The following DIAPH3 variants were observed in gnomAD, a reference collection of about 807,000 sequenced individuals.
DIAPH3 encodes protein diaphanous homolog 3.
DIAPH3 carries 117 observed loss-of-function variants against 144.3 expected under a neutral mutation model. That is an observed-to-expected ratio of 0.81 (90% CI 0.70 to 0.95). The LOEUF (loss-of-function observed/expected upper bound fraction) is 0.95, where lower values mean the gene tolerates loss of function less well. Ranked by LOEUF, DIAPH3 falls within the 40% of genes least tolerant of loss-of-function variation. DIAPH3 has a pLI of 0.00. For synonymous variants in DIAPH3, 519 were observed against 488.9 expected (o/e 1.06, Z -0.81); for missense variants, 1,421 against 1,412.7 (o/e 1.01, Z -0.09).
intron 17 of DIAPH3, among the ~76,000 whole-genome samples, chr13:59,965,881 AAATAGT>A (rs1310019641): frequency 6.6e-6 from 1 of 152,146 alleles, no homozygotes; most frequent in Admixed American, 6.5e-5. Context: ...TGCACCCAAT[AAATAGT>A]TATTGAGTGG....
intron 5 of DIAPH3, among the ~76,000 whole-genome samples, chr13:60,027,196 C>A (rs562147582): frequency 1.4e-4 from 22 of 152,304 alleles, no homozygotes; most frequent in African/African-American, 5.1e-4. Context: ...ACTTAGCATG[C>A]CCTGTGGGGC....
chr13:59,982,106 A>G (rs2051054179), intron 13 of DIAPH3, among the ~76,000 whole-genome samples: 1 of 151,450 alleles, frequency 6.6e-6, no homozygotes, highest in Admixed American at 6.6e-5. Flanking sequence ...TCACCTATTC[A>G]TAGAAATACA....
intron 1 of DIAPH3, among the ~76,000 whole-genome samples, chr13:60,144,462 C>T (rs1951413924): frequency 6.6e-6 from 1 of 152,226 alleles, no homozygotes; most frequent in Non-Finnish European, 1.5e-5. Flanking sequence ...ACTGTCTCTT[C>T]TCTGAGAATG....
chr13:60,014,012 A>G (rs1258893010), intron 7 of DIAPH3, among the ~76,000 whole-genome samples: 1 of 152,216 alleles, frequency 6.6e-6, no homozygotes, highest in African/African-American at 2.4e-5. Flanking sequence ...AAATCTCTTA[A>G]GAGAAAAATA....
intron 1 of DIAPH3, among the ~76,000 whole-genome samples, chr13:60,148,561 C>G (rs551089728): frequency 6.6e-6 from 1 of 151,770 alleles, no homozygotes; most frequent in East Asian, 1.9e-4. Context: ...ACTAGAAGCA[C>G]GTATAAAGTA....
intron 27 of DIAPH3, among the ~76,000 whole-genome samples, chr13:59,711,898 G>A (rs2034767108): frequency 6.6e-6 from 1 of 152,170 alleles, no homozygotes; most frequent in Non-Finnish European, 1.5e-5. Flanking sequence ...ACAAAGGATG[G>A]TATCTGATCC....
At chr13:59,838,484 A>G (rs759960070) in intron 23 of DIAPH3, 2 of 152,094 alleles carry the variant, frequency 1.3e-5, no homozygotes, top group Non-Finnish European at 2.9e-5. Flanking sequence ...TAGTGACTAT[A>G]ATAAACTCCA....
At chr13:59,793,282 T>G (rs1426064391) in intron 25 of DIAPH3, among the ~76,000 whole-genome samples, 1 of 152,062 alleles carries the variant, frequency 6.6e-6, no homozygotes, top group Non-Finnish European at 1.5e-5. Context: ...ACTCCATTGA[T>G]TGTCATTCTC....
At chr13:60,111,886 A>G (rs976626606) in intron 3 of DIAPH3, 124 bp downstream of exon 3, 1 of 917,448 alleles carries the variant, frequency 1.1e-6, no homozygotes, top group African/African-American at 1.7e-5. Context: ...CTGAAGTGCT[A>G]TCTTAAGTGA....
intron 21 of DIAPH3, 77 bp downstream of exon 21, chr13:59,879,152 T>A (rs562749982): frequency 1.4e-5 from 22 of 1,586,678 alleles, no homozygotes; most frequent in Admixed American, 8.6e-5. Context: ...TAAAAAAATA[T>A]TTAAATAATG....
intron 22 of DIAPH3, among the ~76,000 whole-genome samples, chr13:59,846,296 A>G (rs1337227104): frequency 6.6e-6 from 1 of 152,124 alleles, no homozygotes; most frequent in African/African-American, 2.4e-5. Flanking sequence ...TTTCATAATA[A>G]GCTTACTAAA....
intron 19 of DIAPH3, among the ~76,000 whole-genome samples, chr13:59,913,519 C>A (rs1447220905): frequency 6.6e-6 from 1 of 152,158 alleles, no homozygotes; most frequent in African/African-American, 2.4e-5. Flanking sequence ...TCCACACATA[C>A]ACTCACAAAG....
intron 18 of DIAPH3, among the ~76,000 whole-genome samples, chr13:59,922,899 A>T (rs2047583842): frequency 6.6e-6 from 1 of 152,150 alleles, no homozygotes; most frequent in African/African-American, 2.4e-5. Context: ...ACATTAAACT[A>T]TATAAACATT....
chr13:59,782,927 G>A (rs1297590601), intron 25 of DIAPH3, among the ~76,000 whole-genome samples: 3 of 152,148 alleles, frequency 2.0e-5, no homozygotes, highest in African/African-American at 7.2e-5. Flanking sequence ...AGAGATAACA[G>A]GGGTAACGCT....
At chr13:59,762,052 C>CTTTTTTTTTTTTTTTTTTTTTTTTTTT (rs35387511) in intron 27 of DIAPH3, among the ~76,000 whole-genome samples, 5 of 59,520 alleles carry the variant, frequency 8.4e-5, no homozygotes, top group Non-Finnish European at 1.5e-4. Context: ...GCGTCAGCAT[C>CTTTTTTTTTTTTTTTTTTTTTTTTTTT]TTTTTTTTTT....
At chr13:59,749,332 A>G (rs1183916889) in intron 27 of DIAPH3, among the ~76,000 whole-genome samples, 2 of 150,996 alleles carry the variant, frequency 1.3e-5, no homozygotes, top group Non-Finnish European at 3.0e-5. Context: ...CATCCTGGCT[A>G]ACACAGTGAA....
At chr13:59,884,313 T>C (rs2045294904) in intron 20 of DIAPH3, among the ~76,000 whole-genome samples, 2 of 152,120 alleles carry the variant, frequency 1.3e-5, no homozygotes, top group African/African-American at 4.8e-5. Flanking sequence ...TACATTATGG[T>C]GAGTTGTATA....
intron 27 of DIAPH3, among the ~76,000 whole-genome samples, chr13:59,735,683 T>G (rs866800501): frequency 1.4e-4 from 22 of 152,272 alleles, no homozygotes; most frequent in East Asian, 3.9e-4. Context: ...GATTTTTTTT[T>G]TCCCCAACTT....
chr13:59,810,100 A>G (rs2139549186), intron 25 of DIAPH3, among the ~76,000 whole-genome samples: 1 of 152,296 alleles, frequency 6.6e-6, no homozygotes, highest in Non-Finnish European at 1.5e-5. Context: ...ACATATTGAC[A>G]ACAATTTTGT....
Sources: gnomAD v4.1 joint callset for allele counts (sites outside exome capture counted in the v4.1 genomes callset) on GRCh38, gnomAD v4.1.1 for gene constraint, MANE v1.5 for transcripts, NCBI Gene and HGNC (gene_info 2026-07-23, HGNC 2026-07-21) for gene names.